Variants in PAPPA2 observed in about 807,000 individuals in gnomAD.
The protein encoded by PAPPA2 is pappalysin-2.
A neutral mutation model predicts 176.4 loss-of-function variants in PAPPA2; 86 were observed. The ratio of observed to expected loss-of-function variants is 0.49; its 90% CI spans 0.41 to 0.58. PAPPA2 has a LOEUF of 0.58. Ranked by LOEUF, PAPPA2 falls within the 20% of genes least tolerant of loss-of-function variation. The probability of loss-of-function intolerance (pLI) is 0.00; values close to 1 mark genes in which losing one functional copy is unlikely to be tolerated. For missense variants in PAPPA2, 2,073 were observed against 2,256.9 expected (o/e 0.92, Z 1.65); for synonymous variants, 809 against 852.2 (o/e 0.95, Z 0.88).
At position 176,692,126 on chromosome 1, in the gene PAPPA2, A is replaced by G. The variant is rs781615059; in HGVS notation, c.2432A>G (p.Asp811Gly). Residue 811 changes from aspartate to glycine, a missense_variant and splice_region_variant, in exon 6 of 23, where the codon GAT (aspartate) becomes GGT (glycine). Transcript: ENST00000367662. ...APFTNYMSYT[D>G]DNCTDNFTPN... Reference sequence around the variant, plus strand: ...TGTGCCACCTTTTTTGTCTCCACAGATGATAACTGCACTGACAACTTCACT... The same window carrying G: ...TGTGCCACCTTTTTTGTCTCCACAGGTGATAACTGCACTGACAACTTCACT... 9.3e-6 allele frequency: 15 copies of G among 1,610,308 alleles called. No homozygotes were observed. The Admixed American group carries it at 2.2e-4, about 23-fold the overall frequency.
chr1:176,820,642 TTTTTC>T (rs1666625861), intron 21 of PAPPA2, among the ~76,000 whole-genome samples: 1 of 152,134 alleles, frequency 6.6e-6, no homozygotes, highest in South Asian at 2.1e-4. Context: ...GGCAACAGCG[TTTTTC>T]TTTTCTTCTC....
At chr1:176,566,988 G>A (rs1356429583) in intron 2 of PAPPA2, among the ~76,000 whole-genome samples, 3 of 152,030 alleles carry the variant, frequency 2.0e-5, no homozygotes, top group Non-Finnish European at 2.9e-5. Flanking sequence ...CCATACTTTC[G>A]CTCTTGAGTA....
chr1:176,688,453 AG>A (rs1659948032), intron 4 of PAPPA2, among the ~76,000 whole-genome samples: 1 of 152,240 alleles, frequency 6.6e-6, no homozygotes, highest in Non-Finnish European at 1.5e-5. Context: ...TTCAAATAAC[AG>A]GCACTCTTGA....
intron 12 of PAPPA2, among the ~76,000 whole-genome samples, chr1:176,731,272 CCA>C (rs113859228): frequency 9.4e-5 from 14 of 149,654 alleles, no homozygotes; most frequent in East Asian, 3.9e-4. Flanking sequence ...ACTGACAAAA[CCA>C]CACACACACA....
Position 176,699,588 on chromosome 1 carries a change from G to C in PAPPA2, c.3235G>C (p.Val1079Leu). The change falls in exon 8 of 23, where the codon GTG becomes CTG. Residue 1079 changes from valine (V) to leucine (L), a missense_variant and splice_region_variant. Around this residue, in one of 4 missense-constraint regions of PAPPA2, gnomAD observed 846 missense variants for 857.9 expected, o/e 0.99. Coordinates refer to ENST00000367662, the MANE Select transcript of PAPPA2 (RefSeq NM_020318.3). Reference sequence around the variant, plus strand: ...ACATTCTCACAGGAAGTTCACGGACGTGTGAGTTTGGTAGCATGACTATGG... The same window carrying C: ...ACATTCTCACAGGAAGTTCACGGACCTGTGAGTTTGGTAGCATGACTATGG... ...VTHSHRKFTD[V>L]EVTPGQMYQY... is the part of the protein sequence containing the mutation. 1 of 1,597,210 alleles carries C rather than the reference G, an allele frequency of 6.3e-7. No individual in the cohort carries two copies. The highest frequency in any genetic ancestry group is 8.6e-7 in the Non-Finnish European group (1 of 1,167,796).
At chr1:176,495,282 T>C (rs1174761266) in intron 1 of PAPPA2, among the ~76,000 whole-genome samples, 1 of 152,120 alleles carries the variant, frequency 6.6e-6, no homozygotes, top group Non-Finnish European at 1.5e-5. Flanking sequence ...AACAGCTGCC[T>C]GTAACCCCAG....
At chr1:176,704,466 A>C (rs1157023541) in intron 9 of PAPPA2, among the ~76,000 whole-genome samples, 2 of 152,220 alleles carry the variant, frequency 1.3e-5, no homozygotes, top group Non-Finnish European at 2.9e-5. Flanking sequence ...AATTATAAAC[A>C]GTATTCATAT....
At chr1:176,643,011 A>G (rs1272888856) in intron 3 of PAPPA2, among the ~76,000 whole-genome samples, 1 of 151,808 alleles carries the variant, frequency 6.6e-6, no homozygotes, top group Non-Finnish European at 1.5e-5. Context: ...TTTTTTCTAT[A>G]TGAGCATAAA....
chr1:176,638,347 A>T (rs1353241084), intron 3 of PAPPA2, among the ~76,000 whole-genome samples: 1 of 152,116 alleles, frequency 6.6e-6, no homozygotes, highest in Non-Finnish European at 1.5e-5. Context: ...CCAAAATGAA[A>T]AAATAGAAAA....
chr1:176,817,035 C>G (rs1227828548), intron 21 of PAPPA2, among the ~76,000 whole-genome samples: 1 of 151,936 alleles, frequency 6.6e-6, no homozygotes, highest in South Asian at 2.1e-4. Context: ...AAGCACAGAC[C>G]CCATCTCCTA....
chr1:176,559,250 T>A (rs1386179368), intron 2 of PAPPA2, among the ~76,000 whole-genome samples: 1 of 152,208 alleles, frequency 6.6e-6, no homozygotes, highest in East Asian at 1.9e-4. Flanking sequence ...GAATTTTCCT[T>A]CTCTTCAAAT....
intron 14 of PAPPA2, among the ~76,000 whole-genome samples, chr1:176,758,141 G>A (rs536689331): frequency 2.6e-5 from 4 of 152,324 alleles, no homozygotes; most frequent in East Asian, 1.9e-4. Flanking sequence ...GGAAGAATCC[G>A]AATTACTGCT....
intron 3 of PAPPA2, among the ~76,000 whole-genome samples, chr1:176,670,561 C>T (rs901646619): frequency 6.6e-6 from 1 of 152,040 alleles, no homozygotes; most frequent in African/African-American, 2.4e-5. Context: ...AACTGGAATT[C>T]AAGGATCATG....
rs193098203 is a variant in PAPPA2 at position 176,688,161 on chromosome 1, T to C, written c.2138-1976T>C. ...ATTTAAGCCAAAACTTACTTAGAAGTGGTGGGAAAGAAAGGAAAGAGTAGA... is the reference window on the plus strand; with the variant it reads ...ATTTAAGCCAAAACTTACTTAGAAGCGGTGGGAAAGAAAGGAAAGAGTAGA... On this transcript the variant is annotated intron_variant, in intron 4 of 22. Transcript: ENST00000367662. Among the ~76,000 whole-genome samples the C allele has an allele frequency of 3.9e-5, 6 of 152,192 alleles. No individual in the cohort carries two copies. The East Asian group carries it at 1.2e-3, about 29-fold the overall frequency.
chr1:176,689,208 G>A (rs1285610099), intron 4 of PAPPA2, among the ~76,000 whole-genome samples: 1 of 152,178 alleles, frequency 6.6e-6, no homozygotes, highest in East Asian at 1.9e-4. Context: ...TCAACCATGG[G>A]AGAGGAGGAA....
chr1:176,774,885 C>A (rs184754428), intron 17 of PAPPA2, among the ~76,000 whole-genome samples: 51 of 152,300 alleles, frequency 3.3e-4, no homozygotes, highest in Non-Finnish European at 2.9e-4. Context: ...TCTTACACAA[C>A]CTTCTTAGCA....
At chr1:176,647,304 G>C (rs1415067152) in intron 3 of PAPPA2, among the ~76,000 whole-genome samples, 7 of 151,426 alleles carry the variant, frequency 4.6e-5, no homozygotes, top group Admixed American at 4.6e-4. Flanking sequence ...TATATATTCT[G>C]GTTATTAATC....
intron 3 of PAPPA2, among the ~76,000 whole-genome samples, chr1:176,617,788 T>G (rs908251744): frequency 1.3e-5 from 2 of 152,142 alleles, no homozygotes; most frequent in Non-Finnish European, 2.9e-5. Context: ...ATGACTTGTC[T>G]TTTTTGGGGT....
chr1:176,551,014 G>A (rs2102580960), intron 1 of PAPPA2, among the ~76,000 whole-genome samples: 1 of 152,292 alleles, frequency 6.6e-6, no homozygotes, highest in African/African-American at 2.4e-5. Context: ...AAAAAGCTGG[G>A]CAGAGATTTA....
Sources: allele counts gnomAD v4.1 joint callset (sites outside exome capture counted in the v4.1 genomes callset), GRCh38; gene constraint gnomAD v4.1.1; regional missense constraint gnomAD v4.1.1; transcripts MANE v1.5; gene names NCBI Gene and HGNC (gene_info 2026-07-23, HGNC 2026-07-21).